Variants in MAP7D3 observed in about 807,000 individuals in gnomAD.
MAP7D3 encodes MAP7 domain-containing protein 3.
Under a neutral mutation model 62.2 loss-of-function variants are expected in MAP7D3, and 45 were observed. The ratio of observed to expected loss-of-function variants is 0.72; its 90% confidence interval spans 0.57 to 0.93. The LOEUF is 0.93. MAP7D3 is among the 40% of genes least tolerant of loss of function. The probability of loss-of-function intolerance (pLI) is 0.00; values close to 1 mark genes in which losing one functional copy is unlikely to be tolerated. For missense variants in MAP7D3, 711 were observed against 683.1 expected (o/e 1.04, Z -0.45); for synonymous variants, 288 against 248.8 (o/e 1.16, Z -1.48).
upstream of MAP7D3, among the ~76,000 whole-genome samples, chrX:136,251,820 A>G (rs1040336314): frequency 9.0e-6 from 1 of 111,369 alleles, no homozygotes; most frequent in East Asian, 2.8e-4. Context: ...AAGTTGGGGG[A>G]AGAAGCCTAG....
upstream of MAP7D3, chrX:136,251,657 C>G: frequency 2.1e-6 from 1 of 485,833 alleles, no homozygotes; most frequent in Non-Finnish European, 2.6e-6. Context: ...CAGCTTGGCC[C>G]CCCCAACATT....
At chrX:136,252,676 C>CAAAAAAAAAAAAAAAAAAAAAAA (rs770751343), upstream of MAP7D3, among the ~76,000 whole-genome samples, 3 of 36,057 alleles carry the variant, frequency 8.3e-5, no homozygotes, top group Non-Finnish European at 8.8e-5. Flanking sequence ...GACTCTGTCT[C>CAAAAAAAAAAAAAAAAAAAAAAA]AAAAAAAAAA....
rs1407391817 is a variant in MAP7D3, at chrX:136,217,665, T to C, written c.*861A>G. 8.9e-6 allele frequency: 1 copy of C among 111,962 alleles called. No individual in the cohort carries two copies. The highest frequency in any genetic ancestry group is 2.8e-4 in the East Asian group (1 of 3,590). The allele number at this position is 111,962 out of a possible 1,213,427, so 9.2% of individuals were successfully genotyped here. On this transcript the variant is annotated 3_prime_UTR_variant, in exon 19 of 19. Transcript: ENST00000316077. ...ATATTAGAAACAATCTGACAGCTCT[T>C]GTGAGCGATCCTGCGGCCCTTGCAT...
At chrX:136,252,664 G>A (rs1405506567), upstream of MAP7D3, among the ~76,000 whole-genome samples, 10 of 68,602 alleles carry the variant, frequency 1.5e-4, no homozygotes, top group South Asian at 1.9e-3. Context: ...GTGACAGAGC[G>A]AGACTCTGTC....
intron 6 of MAP7D3, among the ~76,000 whole-genome samples, chrX:136,238,175 G>A (rs907164033): frequency 2.7e-5 from 3 of 111,215 alleles, no homozygotes; most frequent in South Asian, 3.8e-4. Flanking sequence ...GAATAGTGCC[G>A]CAATAAAAAT....
rs1397149966 is a variant in MAP7D3 at position 136,231,899 on chromosome X, T to C, written c.1058A>G (p.Asp353Gly). Residue 353 changes from aspartate (D) to glycine (G), a missense_variant, in exon 8 of 19, where the codon GAT becomes GGT. Coordinates refer to ENST00000316077, the MANE Select transcript of MAP7D3 (RefSeq NM_024597.4). Reference sequence around the variant, plus strand: ...GGATGCGTCCATGCTCATCTCAGAATCATATGTGCTCACCACAGGCGACAC... The same window carrying C: ...GGATGCGTCCATGCTCATCTCAGAACCATATGTGCTCACCACAGGCGACAC... ...VDVSPVVSTYDSEMSMDASPE... is the reference protein window; with the variant it reads ...VDVSPVVSTYGSEMSMDASPE... 10 of 1,210,941 alleles carry C rather than the reference T, an allele frequency of 8.3e-6. No individual in the cohort carries two copies. Among genetic ancestry groups the C allele is most frequent in the Non-Finnish European group, 1.1e-5 (10 of 895,251 alleles).
rs377289446 is a variant in MAP7D3, at chrX:136,241,061, C to G, written c.535+99G>C. The G allele has an allele frequency of 3.1e-3, 1,549 of 497,047 alleles. 12 individuals are homozygous for G. Among genetic ancestry groups the G allele is most frequent in the South Asian group, 0.029 (993 of 34,748 alleles). The allele number at this position is 497,047 out of a possible 1,213,427, so 41.0% of individuals were successfully genotyped here. The stretch of plus-strand genomic sequence containing the variant: ...ATATACAGTATTTTTGTTTAGGATA[C>G]AAACACTAAAATCTTGCTGTAAATG... On this transcript the variant is annotated intron_variant, in intron 5 of 18. Transcript: ENST00000316077.
intron 10 of MAP7D3, among the ~76,000 whole-genome samples, chrX:136,229,993 ATTTT>A (rs1173283842): frequency 4.5e-3 from 218 of 48,075 alleles, no homozygotes; most frequent in African/African-American, 0.012. Flanking sequence ...ATATATATAT[ATTTT>A]TTTTTTTTTT....
intron 9 of MAP7D3, 113 bp downstream of exon 9, chrX:136,230,726 T>C (rs1003218276): frequency 2.1e-6 from 2 of 948,923 alleles, no homozygotes; most frequent in Non-Finnish European, 2.9e-6. Context: ...CAGGCTTTTT[T>C]CCCTTTACAT....
chrX:136,241,123 A>G lies in MAP7D3; in HGVS notation c.535+37T>C, dbSNP rs375787264. 4 of 792,742 alleles carry G rather than the reference A, an allele frequency of 5.0e-6. No homozygotes were observed. The African/African-American group carries it at 8.2e-5, about 16-fold the overall frequency. The allele number at this position is 792,742 out of a possible 1,213,427, so 65.3% of individuals were successfully genotyped here. A position where few individuals can be genotyped will look rare whatever the true frequency, so the allele number is the denominator to read the frequency against. ...TCATAGCCAATATTTAAACAAGAAC[A>G]TAAACAAACTTAAAATTTAATGGGT... is the stretch of plus-strand genomic sequence containing the variant. On this transcript the variant is annotated intron_variant, in intron 5 of 18. Coordinates refer to ENST00000316077, the MANE Select transcript of MAP7D3 (RefSeq NM_024597.4).
chrX:136,248,814 T>C (rs979224897), intron 1 of MAP7D3, among the ~76,000 whole-genome samples: 1 of 112,394 alleles, frequency 8.9e-6, no homozygotes, highest in African/African-American at 3.2e-5. Context: ...TTGAAAAAAC[T>C]GAAGCTAAAC....
intron 15 of MAP7D3, 37 bp downstream of exon 15, chrX:136,222,356 T>G (rs756444048): frequency 9.3e-7 from 1 of 1,069,973 alleles, no homozygotes; most frequent in Non-Finnish European, 1.3e-6. Context: ...CCCCTGGATA[T>G]GAACCTAAGC....
At chrX:136,252,637 A>C (rs2074524788), upstream of MAP7D3, among the ~76,000 whole-genome samples, 1 of 83,499 alleles carries the variant, frequency 1.2e-5, no homozygotes, top group African/African-American at 4.6e-5. Context: ...TGATAGCACC[A>C]CTGCACTCCA....
chrX:136,237,798 A>C (rs1388730965), intron 6 of MAP7D3, among the ~76,000 whole-genome samples: 1 of 110,623 alleles, frequency 9.0e-6, no homozygotes, highest in Non-Finnish European at 1.9e-5. Flanking sequence ...ATATGTATAC[A>C]TGTGCCATGT....
At chrX:136,254,350 G>T (rs752658900), upstream of MAP7D3, among the ~76,000 whole-genome samples, 12 of 110,987 alleles carry the variant, frequency 1.1e-4, no homozygotes, top group South Asian at 3.9e-4. Context: ...ATCCCAGAGT[G>T]CTGGGATTAC....
chrX:136,223,122 G>A (rs758908544), intron 14 of MAP7D3, among the ~76,000 whole-genome samples: 2 of 111,379 alleles, frequency 1.8e-5, no homozygotes, highest in East Asian at 5.7e-4. Context: ...GATTACCAGC[G>A]TGAGCCACCG....
rs1198080575 is a variant in MAP7D3, at chrX:136,218,150, GA to G, written c.*375del. ...TTAGTTCTGCAATCAGATTCTTCTA[GA>G]AACTCCACAGTTACAGTTTCAGGAA... On this transcript the variant is annotated 3_prime_UTR_variant, in exon 19 of 19. Coordinates refer to ENST00000316077, the MANE Select transcript of MAP7D3 (RefSeq NM_024597.4). 4.5e-5 allele frequency: 5 copies of G among 111,664 alleles called. No individual in the cohort carries two copies. The highest frequency in any genetic ancestry group is 1.6e-4 in the African/African-American group (5 of 30,758). 9.2% of individuals were successfully genotyped at this position (111,664 alleles called of 1,213,427 possible).
At chrX:136,256,063 T>A (rs756186943), upstream of MAP7D3, 175 of 750,871 alleles carry the variant, frequency 2.3e-4, no homozygotes, top group Middle Eastern at 4.6e-3. Context: ...ATGCGATGGC[T>A]TTTTCTCTCC....
rs748326516 is a variant in MAP7D3 at position 136,232,092 on chromosome X, C to G, written c.865G>C (p.Glu289Gln). ...MKIPPQTKVE[E>Q]SPLEKVETPP... ...GTCTCTACTTTCTCCAAGGGAGACTCTTCTACTTTTGTTTGAGGAGGTATT... is the reference window on the plus strand; with the variant it reads ...GTCTCTACTTTCTCCAAGGGAGACTGTTCTACTTTTGTTTGAGGAGGTATT... The change falls in exon 8 of 19, where the codon GAG becomes CAG. Residue 289 changes from glutamate (E) to glutamine (Q), a missense_variant. By Grantham distance (29) the Glu-to-Gln change is conservative. Transcript: ENST00000316077. The G allele has an allele frequency of 1.4e-5, 17 of 1,208,566 alleles. No homozygotes were observed. The African/African-American group carries it at 3.0e-4, about 21-fold the overall frequency.
Sources: gnomAD v4.1 joint callset for allele counts (sites outside exome capture counted in the v4.1 genomes callset) on GRCh38, gnomAD v4.1.1 for gene constraint, MANE v1.5 for transcripts, NCBI Gene and HGNC (gene_info 2026-07-23, HGNC 2026-07-21) for gene names.